Variants in PTPN3 observed in about 807,000 individuals in gnomAD.
PTPN3 encodes the protein tyrosine-protein phosphatase non-receptor type 3.
Under a neutral mutation model 132.7 loss-of-function variants are expected in PTPN3, and 96 were observed. The observed-to-expected ratio is 0.72, with a 90% CI of 0.61 to 0.86. The LOEUF (loss-of-function observed/expected upper bound fraction) is 0.86, where lower values mean the gene tolerates loss of function less well. Ranked by LOEUF, PTPN3 falls within the 40% of genes least tolerant of loss-of-function variation. PTPN3 has a pLI of 0.00. For missense variants in PTPN3, 1,125 were observed against 1,159.6 expected (o/e 0.97, Z 0.43); for synonymous variants, 398 against 429.0 (o/e 0.93, Z 0.89).
At chr9:109,406,680 G>T in intron 17 of PTPN3, 62 bp from the exon 18 acceptor site, 2 of 1,585,100 alleles carry the variant, frequency 1.3e-6, no homozygotes, top group South Asian at 1.1e-5. Context: ...GGGGAAGAAC[G>T]CTGACTCGCT....
chr9:109,381,820 T>C lies in PTPN3; in HGVS notation c.2529-33A>G, dbSNP rs1213587512. ...GGGGAGAGAAGACAGACTTGGGATT[T>C]GTCTGAGTAGCCTTTCTGCATGGCC... On this transcript the variant is annotated intron_variant, in intron 24 of 25. Transcript: ENST00000374541. 1.9e-6 allele frequency: 3 copies of C among 1,613,626 alleles called. No homozygotes were observed. In the African/African-American group the frequency reaches 4.0e-5, roughly 22 times the overall value.
upstream of PTPN3, among the ~76,000 whole-genome samples, chr9:109,500,961 A>G (rs1471537209): frequency 6.6e-6 from 1 of 152,034 alleles, no homozygotes; most frequent in East Asian, 1.9e-4. Flanking sequence ...AAAAACACAA[A>G]TAGATTGTAT....
intron 5 of PTPN3, among the ~76,000 whole-genome samples, chr9:109,453,653 A>G (rs894975080): frequency 6.6e-6 from 1 of 152,160 alleles, no homozygotes; most frequent in Non-Finnish European, 1.5e-5. Context: ...ATTCACTGAG[A>G]AGACAAGCTG....
chr9:109,406,725 G>A (rs747012418), intron 17 of PTPN3, 107 bp from the exon 18 acceptor site: 6 of 1,427,800 alleles, frequency 4.2e-6, no homozygotes, highest in Non-Finnish European at 5.8e-6. Context: ...GATCAAGTTT[G>A]CCTTCTCTCC....
chr9:109,470,722 T>TG (rs1180313708), intron 1 of PTPN3, among the ~76,000 whole-genome samples: 1 of 151,628 alleles, frequency 6.6e-6, no homozygotes, highest in Non-Finnish European at 1.5e-5. Flanking sequence ...TACAAACACT[T>TG]GGGTGGGGAT....
At chr9:109,457,664 G>A (rs1845633026) in intron 2 of PTPN3, among the ~76,000 whole-genome samples, 1 of 152,172 alleles carries the variant, frequency 6.6e-6, no homozygotes, top group Admixed American at 6.5e-5. Flanking sequence ...CAATTCCCAA[G>A]TGATAATGTC....
intron 7 of PTPN3, 25 bp downstream of exon 7, chr9:109,445,215 G>C (rs768669907): frequency 6.2e-7 from 1 of 1,605,750 alleles, no homozygotes; most frequent in African/African-American, 1.3e-5. Context: ...CTGTCCATCC[G>C]TGAAATGCTC....
At chr9:109,482,961 T>G (rs10816819) in intron 1 of PTPN3, among the ~76,000 whole-genome samples, 1 of 152,136 alleles carries the variant, frequency 6.6e-6, no homozygotes, top group Non-Finnish European at 1.5e-5. Flanking sequence ...GAGCCCTATC[T>G]GCTGCTTCTA....
At chr9:109,403,762 G>A (rs528022597) in intron 19 of PTPN3, among the ~76,000 whole-genome samples, 2 of 152,324 alleles carry the variant, frequency 1.3e-5, no homozygotes, top group Admixed American at 6.5e-5. Flanking sequence ...AATTCTGTTA[G>A]TGATCAGTAA....
intron 19 of PTPN3, among the ~76,000 whole-genome samples, chr9:109,397,388 T>G (rs1207355534): frequency 2.0e-5 from 3 of 152,212 alleles, no homozygotes; most frequent in Non-Finnish European, 4.4e-5. Flanking sequence ...GAATAAAGCA[T>G]GCCCAAGAGA....
chr9:109,388,630 C>T (rs529739142), intron 22 of PTPN3, among the ~76,000 whole-genome samples: 5 of 152,106 alleles, frequency 3.3e-5, no homozygotes, highest in Non-Finnish European at 5.9e-5. Context: ...CCTTTTCTCC[C>T]AAGCTGGAAA....
At chr9:109,412,514 C>T (rs1049016800) in intron 14 of PTPN3, among the ~76,000 whole-genome samples, 5 of 152,058 alleles carry the variant, frequency 3.3e-5, no homozygotes, top group Non-Finnish European at 7.3e-5. Flanking sequence ...ACTGGGACTA[C>T]AGGTGCCCGC....
At chr9:109,457,659 C>T (rs914038089) in intron 2 of PTPN3, among the ~76,000 whole-genome samples, 7 of 152,192 alleles carry the variant, frequency 4.6e-5, no homozygotes, top group Non-Finnish European at 1.0e-4. Flanking sequence ...AGCTGCAATT[C>T]CCAAGTGATA....
chr9:109,439,522 G>A (rs1185526711), intron 7 of PTPN3, among the ~76,000 whole-genome samples: 1 of 152,256 alleles, frequency 6.6e-6, no homozygotes, highest in Admixed American at 6.5e-5. Context: ...CAAGGGCAGA[G>A]TATGGGAAAG....
rs142937669 is a variant in PTPN3 at position 109,382,319 on chromosome 9, G to A, written c.2511C>T (p.Pro837=). ...YVRSLRVDSE[P]VLVHCSAGIG... is the part of the protein sequence containing the mutation. ...CGCCATACCTGCAGTGAACTAGGACGGGCTCGCTGTCCACTCTCAGAGACC... is the reference window on the plus strand; with the variant it reads ...CGCCATACCTGCAGTGAACTAGGACAGGCTCGCTGTCCACTCTCAGAGACC... The change falls in exon 24 of 26, where the codon CCC becomes CCT. Residue 837 remains proline (P), a synonymous_variant. Coordinates refer to ENST00000374541, the MANE Select transcript of PTPN3 (RefSeq NM_002829.4). The A allele has an allele frequency of 2.2e-4, 351 of 1,613,910 alleles. 1 individual carries two copies. The African/African-American group carries it at 3.9e-3, about 18-fold the overall frequency.
At chr9:109,441,438 C>T (rs775257629) in intron 7 of PTPN3, among the ~76,000 whole-genome samples, 11 of 152,124 alleles carry the variant, frequency 7.2e-5, no homozygotes, top group Non-Finnish European at 1.6e-4. Flanking sequence ...ATTCCTAGGA[C>T]GTTTTCCCAG....
intron 18 of PTPN3, among the ~76,000 whole-genome samples, chr9:109,405,988 T>C (rs1243252299): frequency 6.6e-6 from 1 of 152,180 alleles, no homozygotes. Flanking sequence ...ATGTAACCCC[T>C]GCAAGGTCCC....
chr9:109,421,037 C>T (rs1476246880), intron 13 of PTPN3, among the ~76,000 whole-genome samples: 2 of 152,224 alleles, frequency 1.3e-5, no homozygotes, highest in Non-Finnish European at 2.9e-5. Flanking sequence ...AAACTCCAAC[C>T]TTATTTCAAC....
the PTPN3 span, among the ~76,000 whole-genome samples, chr9:109,506,607 C>T: frequency 3.0e-5 from 4 of 131,782 alleles, no homozygotes; most frequent in South Asian, 2.5e-4. Flanking sequence ...TTCTTTCTTT[C>T]TTTTTTTTTT....
Sources: gnomAD v4.1 joint callset for allele counts (sites outside exome capture counted in the v4.1 genomes callset) on GRCh38, gnomAD v4.1.1 for gene constraint, MANE v1.5 for transcripts, NCBI Gene and HGNC (gene_info 2026-07-23, HGNC 2026-07-21) for gene names.